Variants in HIVEP3 observed in about 807,000 individuals in gnomAD.
HIVEP3 encodes the protein transcription factor HIVEP3.
In HIVEP3, 49 loss-of-function variants were observed where a neutral mutation model predicts 152.8. The ratio of observed to expected loss-of-function variants is 0.32; its 90% CI spans 0.26 to 0.41. HIVEP3 has a LOEUF of 0.41. Among genes scored for constraint, HIVEP3 ranks in the 10% least tolerant of loss-of-function variants. HIVEP3 has a pLI of 1.00. For synonymous variants in HIVEP3, 1,269 were observed against 1,289.0 expected (o/e 0.98, Z 0.33); for missense variants, 2,790 against 3,103.3 (o/e 0.90, Z 2.40).
chr1:41,596,075 A>G (rs1471117157), intron 3 of HIVEP3, among the ~76,000 whole-genome samples: 1 of 152,218 alleles, frequency 6.6e-6, no homozygotes, highest in African/African-American at 2.4e-5. Context: ...GGCTCCAGGC[A>G]GGAGCCCCAC....
rs1645350717 is a variant in HIVEP3, at chr1:41,990,061, G to A, written n.119+45746C>T. On this transcript the variant is annotated intron_variant and non_coding_transcript_variant, in intron 1 of 3. Coordinates refer to the HIVEP3 transcript ENST00000489103. Reference sequence around the variant, plus strand: ...GCATGATTTTGCAGCGGCTGGTACCGGTTGTTCCTTTCCATGTTTAGCACT... The same window carrying A: ...GCATGATTTTGCAGCGGCTGGTACCAGTTGTTCCTTTCCATGTTTAGCACT... 1.1e-4 allele frequency among the ~76,000 whole-genome samples: 9 copies of A among 81,780 alleles called. 1 individual carries two copies. The South Asian group carries it at 2.4e-3, about 22-fold the overall frequency. 53.7% of individuals were successfully genotyped at this position (81,780 alleles called of 152,430 possible). A position where few individuals can be genotyped will look rare whatever the true frequency, so the allele number is the denominator to read the frequency against.
chr1:41,560,975 C>T (rs141792543), intron 5 of HIVEP3, among the ~76,000 whole-genome samples: 85 of 152,354 alleles, frequency 5.6e-4, no homozygotes, highest in African/African-American at 1.9e-3. Context: ...GTCCTTTGAC[C>T]TTCAAGGAAG....
At chr1:41,835,981 C>T (rs1570635943) in intron 1 of HIVEP3, among the ~76,000 whole-genome samples, 1 of 152,318 alleles carries the variant, frequency 6.6e-6, no homozygotes, top group African/African-American at 2.4e-5. Context: ...TTCTTATCCA[C>T]CTGATATTTG....
intron 2 of HIVEP3, among the ~76,000 whole-genome samples, chr1:41,644,714 T>TTTTTTTTTTTTTTA (rs1645432672): frequency 6.7e-6 from 1 of 148,448 alleles, no homozygotes; most frequent in Admixed American, 6.7e-5. Context: ...TTTTTTTTTT[T>TTTTTTTTTTTTTTA]TTTGGATGTT....
rs75993676 is a variant in HIVEP3, at chr1:41,764,773, G to C, written c.-800-63778C>G. 7.4e-3 allele frequency among the ~76,000 whole-genome samples: 1,121 copies of C among 152,300 alleles called. 8 individuals are homozygous for C. Among genetic ancestry groups the C allele is most frequent in the African/African-American group, 0.024 (983 of 41,566 alleles). On this transcript the variant is annotated intron_variant, in intron 1 of 8. Coordinates refer to ENST00000372583, the MANE Select transcript of HIVEP3 (RefSeq NM_024503.5). Reference sequence around the variant, plus strand: ...GTCCTCAGGGGCCCTCAGTAGAGAAGGGAAACTACCACACAAAGAAGTTTT... The same window carrying C: ...GTCCTCAGGGGCCCTCAGTAGAGAACGGAAACTACCACACAAAGAAGTTTT...
intron 1 of HIVEP3, among the ~76,000 whole-genome samples, chr1:41,805,867 C>A (rs1374284097): frequency 6.6e-6 from 1 of 152,162 alleles, no homozygotes; most frequent in Non-Finnish European, 1.5e-5. Context: ...TCTCAGGCCA[C>A]CTTACGCCTT....
At chr1:41,599,460 T>C (rs1160215136) in intron 3 of HIVEP3, among the ~76,000 whole-genome samples, 1 of 152,142 alleles carries the variant, frequency 6.6e-6, no homozygotes, top group Non-Finnish European at 1.5e-5. Context: ...AAGACTCTAA[T>C]AATAGAGTAG....
In HIVEP3 at chr1:41,524,734, C is replaced by A; in HGVS notation, c.5383+1G>T. The stretch of plus-strand genomic sequence containing the variant: ...CAGTGCCCCAGCTGACTCTCTCTTA[C>A]CTTTGGTTTTAAAAGCAAAGTGACA... On this transcript the variant is annotated splice_donor_variant, in intron 6 of 8. Transcript: ENST00000372583. LOFTEE classifies it high-confidence loss of function. 6.2e-7 allele frequency: 1 copy of A among 1,613,512 alleles called. No individual in the cohort carries two copies. The highest frequency in any genetic ancestry group is 8.5e-7 in the Non-Finnish European group (1 of 1,179,856).
At chr1:41,665,705 T>TACACACACACACACACACAC (rs1489493920) in intron 2 of HIVEP3, among the ~76,000 whole-genome samples, 13 of 21,854 alleles carry the variant, frequency 5.9e-4, no homozygotes, top group East Asian at 0.017. Context: ...ACGGAAATGT[T>TACACACACACACACACACAC]ATACACACAC....
In HIVEP3 at chr1:41,662,053, C is replaced by T. The variant is rs1176303379; in HGVS notation, c.-720-33106G>A. ...ACCGACGCGGCTCCCTCCGGTCCCTCTGCCGCCCGCTCGGCGGTGCCCGGT... is the reference window on the plus strand; with the variant it reads ...ACCGACGCGGCTCCCTCCGGTCCCTTTGCCGCCCGCTCGGCGGTGCCCGGT... On this transcript the variant is annotated intron_variant, in intron 2 of 8. Transcript: ENST00000372583. This position sits in a 1 kb window ranked among gnomAD's most constrained non-coding sequence, Gnocchi z 7.2. The T allele has an allele frequency of 2.0e-5, 3 of 151,876 alleles. No homozygotes were observed. The highest frequency in any genetic ancestry group is 4.4e-5 in the Non-Finnish European group (3 of 67,946). 9.4% of individuals were successfully genotyped at this position (151,876 alleles called of 1,614,324 possible).
chr1:41,712,382 G>C (rs1234245320), intron 1 of HIVEP3, among the ~76,000 whole-genome samples: 2 of 152,242 alleles, frequency 1.3e-5, no homozygotes, highest in Non-Finnish European at 2.9e-5. Context: ...ACGAAGGCCA[G>C]GCCCTGCCTC....
At chr1:41,914,583 G>T (rs1032871191) in intron 1 of HIVEP3, among the ~76,000 whole-genome samples, 1 of 151,950 alleles carries the variant, frequency 6.6e-6, no homozygotes, top group African/African-American at 2.4e-5. Flanking sequence ...CTTTGTTTTG[G>T]AGCAAATTTT....
At chr1:42,008,561 T>TATCA (rs1221629574) in intron 1 of HIVEP3, among the ~76,000 whole-genome samples, 2 of 152,226 alleles carry the variant, frequency 1.3e-5, no homozygotes, top group Non-Finnish European at 2.9e-5. Flanking sequence ...TTATCATAGT[T>TATCA]TGTTGGATCC....
chr1:41,987,315 A>T (rs1208438893), intron 1 of HIVEP3, among the ~76,000 whole-genome samples: 3 of 152,232 alleles, frequency 2.0e-5, no homozygotes, highest in Non-Finnish European at 2.9e-5. Flanking sequence ...GCATATGTAT[A>T]CCTGTGTAAC....
At chr1:41,775,731 T>C (rs1648663822) in intron 1 of HIVEP3, among the ~76,000 whole-genome samples, 1 of 152,094 alleles carries the variant, frequency 6.6e-6, no homozygotes, top group Admixed American at 6.6e-5. Context: ...CCTCATGTGG[T>C]CCACCTCCCA....
intron 1 of HIVEP3, among the ~76,000 whole-genome samples, chr1:41,959,380 G>A (rs1645157195): frequency 6.6e-6 from 1 of 152,182 alleles, no homozygotes; most frequent in South Asian, 2.1e-4. Flanking sequence ...GACTCCAACT[G>A]ACTGCTATAG....
chr1:41,923,987 C>T (rs1644954119), intron 1 of HIVEP3, among the ~76,000 whole-genome samples: 1 of 151,936 alleles, frequency 6.6e-6, no homozygotes, highest in Non-Finnish European at 1.5e-5. Flanking sequence ...TACTGGCCCC[C>T]AAAGATATCT....
intron 2 of HIVEP3, among the ~76,000 whole-genome samples, chr1:41,665,625 C>T (rs950899806): frequency 3.3e-5 from 5 of 149,680 alleles, no homozygotes; most frequent in African/African-American, 7.4e-5. Context: ...ATTCATTCTA[C>T]TTCTGGAGCT....
intron 2 of HIVEP3, among the ~76,000 whole-genome samples, chr1:41,656,695 T>G (rs905984279): frequency 6.6e-6 from 1 of 152,316 alleles, no homozygotes; most frequent in African/African-American, 2.4e-5. Flanking sequence ...CATGCTCATC[T>G]CAACTAACAC....
Sources: gnomAD v4.1 joint callset for allele counts (sites outside exome capture counted in the v4.1 genomes callset) on GRCh38, gnomAD v4.1.1 for gene constraint, Gnocchi (gnomAD v3.1) non-coding constraint, MANE v1.5 for transcripts, NCBI Gene and HGNC (gene_info 2026-07-23, HGNC 2026-07-21) for gene names.